Variants in CALN1 observed in about 807,000 individuals in gnomAD.
CALN1 encodes calcium-binding protein 8.
CALN1 carries 17 observed loss-of-function variants against 30.6 expected under a neutral mutation model. The ratio of observed to expected loss-of-function variants is 0.56; its 90% CI spans 0.38 to 0.83. The LOEUF (loss-of-function observed/expected upper bound fraction) is 0.83. Among genes scored for constraint, CALN1 ranks in the 40% least tolerant of loss-of-function variants. The probability of loss-of-function intolerance (pLI) is 0.00; values close to 1 mark genes in which losing one functional copy is unlikely to be tolerated. For synonymous variants in CALN1, 156 were observed against 131.4 expected (o/e 1.19, Z -1.28); for missense variants, 291 against 354.9 (o/e 0.82, Z 1.45).
intron 3 of CALN1, among the ~76,000 whole-genome samples, chr7:72,240,740 C>T (rs1794774425): frequency 6.6e-6 from 1 of 152,192 alleles, no homozygotes; most frequent in African/African-American, 2.4e-5. Context: ...TCCAGTCATT[C>T]ACTGAGTGTG....
chr7:71,827,270 C>T (rs904899304), intron 5 of CALN1, among the ~76,000 whole-genome samples: 1 of 152,168 alleles, frequency 6.6e-6, no homozygotes, highest in African/African-American at 2.4e-5. Context: ...ACTGGGCTGT[C>T]GGCATGCCAA....
At chr7:72,301,446 A>G (rs1398223305) in intron 2 of CALN1, among the ~76,000 whole-genome samples, 1 of 151,870 alleles carries the variant, frequency 6.6e-6, no homozygotes, top group African/African-American at 2.4e-5. Flanking sequence ...TGTCTCTACT[A>G]AAAATACAAA....
chr7:72,207,186 C>T (rs1417727756), intron 3 of CALN1, among the ~76,000 whole-genome samples: 2 of 152,198 alleles, frequency 1.3e-5, no homozygotes, highest in African/African-American at 4.8e-5. Flanking sequence ...TACGCATCCT[C>T]CCACTCTCTC....
intron 2 of CALN1, among the ~76,000 whole-genome samples, chr7:72,330,901 C>T (rs1303364036): frequency 1.3e-5 from 2 of 152,170 alleles, no homozygotes; most frequent in African/African-American, 4.8e-5. Context: ...ACTTCTCCAC[C>T]CTGTTACCTA....
At chr7:71,789,355 T>G (rs1480890999) in intron 6 of CALN1, among the ~76,000 whole-genome samples, 1 of 152,114 alleles carries the variant, frequency 6.6e-6, no homozygotes, top group Non-Finnish European at 1.5e-5. Context: ...AGGCAGAGGT[T>G]GCAGTGAGCT....
At chr7:72,211,659 C>T (rs971064850) in intron 3 of CALN1, among the ~76,000 whole-genome samples, 8 of 152,298 alleles carry the variant, frequency 5.3e-5, no homozygotes, top group South Asian at 4.1e-4. Context: ...TGTTAGCTAT[C>T]GCTGCAAAAT....
intron 1 of CALN1, among the ~76,000 whole-genome samples, chr7:72,436,381 T>C (rs1216091421): frequency 9.9e-5 from 15 of 152,196 alleles, no homozygotes; most frequent in Admixed American, 3.3e-4. Flanking sequence ...ATGTAAGATG[T>C]GCCTTGTGCC....
chr7:71,820,929 T>C (rs569594084), intron 5 of CALN1, among the ~76,000 whole-genome samples: 1 of 152,278 alleles, frequency 6.6e-6, no homozygotes, highest in African/African-American at 2.4e-5. Context: ...TAAGACTTGA[T>C]GGATCACTGT....
chr7:72,304,070 G>A (rs1012102013), intron 2 of CALN1, among the ~76,000 whole-genome samples: 2 of 152,172 alleles, frequency 1.3e-5, no homozygotes, highest in Non-Finnish European at 2.9e-5. Context: ...CAGAAGACAA[G>A]CTGCAAAAAA....
intron 5 of CALN1, among the ~76,000 whole-genome samples, chr7:72,010,840 AAAAAG>A (rs574192851): frequency 1.3e-5 from 2 of 150,346 alleles, no homozygotes. Flanking sequence ...AAAGAAAAAG[AAAAAG>A]AAAAGAAAAG....
At chr7:72,251,253 A>C (rs1475472918) in intron 3 of CALN1, among the ~76,000 whole-genome samples, 4 of 152,038 alleles carry the variant, frequency 2.6e-5, no homozygotes, top group Admixed American at 2.6e-4. Flanking sequence ...CACACACTGA[A>C]CTTCCACATC....
intron 4 of CALN1, among the ~76,000 whole-genome samples, chr7:72,087,891 GATGGTGCACGC>G (rs1805586067): frequency 6.6e-6 from 1 of 152,190 alleles, no homozygotes; most frequent in African/African-American, 2.4e-5. Flanking sequence ...CGCTGGGCGT[GATGGTGCACGC>G]CTGTAATCCC....
At chr7:71,994,793 T>C (rs1382475501) in intron 5 of CALN1, among the ~76,000 whole-genome samples, 1 of 151,846 alleles carries the variant, frequency 6.6e-6, no homozygotes, top group Non-Finnish European at 1.5e-5. Context: ...GGACGAAAGA[T>C]TGGTTGGACC....
intron 2 of CALN1, among the ~76,000 whole-genome samples, chr7:72,344,077 C>T (rs185417755): frequency 8.0e-4 from 122 of 152,172 alleles, no homozygotes; most frequent in Admixed American, 2.4e-3. Flanking sequence ...CAGAGTCTCA[C>T]TCTGTTATCC....
In CALN1 at chr7:72,423,508, C is replaced by T. The variant is rs139267990; in HGVS notation, c.-225-11233G>A. 1.6e-3 allele frequency among the ~76,000 whole-genome samples: 247 copies of T among 152,322 alleles called. 1 individual carries two copies. Among genetic ancestry groups the T allele is most frequent in the African/African-American group, 5.6e-3 (232 of 41,568 alleles). On this transcript the variant is annotated intron_variant, in intron 1 of 6. Transcript: ENST00000395276. ...GGCTGGCTTTCCAGATAACCTCACC[C>T]CCAGGAGACCCAGAGATACCAGCCC...
chr7:71,943,898 A>G (rs2129523120), intron 5 of CALN1, among the ~76,000 whole-genome samples: 1 of 152,326 alleles, frequency 6.6e-6, no homozygotes, highest in Admixed American at 6.5e-5. Context: ...GGGAGTGAGC[A>G]TGGAGATAAA....
intron 5 of CALN1, among the ~76,000 whole-genome samples, chr7:71,824,710 T>A (rs1383745771): frequency 6.6e-6 from 1 of 152,134 alleles, no homozygotes; most frequent in Non-Finnish European, 1.5e-5. Flanking sequence ...ACAGGCGGAA[T>A]AAACTCCAAA....
chr7:71,883,131 A>AGCTC (rs1792685771), intron 5 of CALN1, among the ~76,000 whole-genome samples: 1 of 152,070 alleles, frequency 6.6e-6, no homozygotes, highest in Non-Finnish European at 1.5e-5. Flanking sequence ...CTATAGCTCT[A>AGCTC]TATCTATATA....
intron 4 of CALN1, among the ~76,000 whole-genome samples, chr7:72,044,599 C>CTTTTTTTTT (rs549079139): frequency 2.7e-4 from 26 of 96,690 alleles, no homozygotes; most frequent in African/African-American, 1.0e-3. Flanking sequence ...CCGCTTAAAA[C>CTTTTTTTTT]TTTTTTTTTT....
Sources: allele counts gnomAD v4.1 joint callset (sites outside exome capture counted in the v4.1 genomes callset), GRCh38; gene constraint gnomAD v4.1.1; transcripts MANE v1.5; gene names NCBI Gene and HGNC (gene_info 2026-07-23, HGNC 2026-07-21).